Variants in ZDHHC14 observed in about 807,000 individuals in gnomAD.
ZDHHC14 encodes palmitoyltransferase ZDHHC14.
Under a neutral mutation model 47.7 loss-of-function variants are expected in ZDHHC14, and 16 were observed. The ratio of observed to expected loss-of-function variants is 0.34; its 90% CI spans 0.23 to 0.51. The LOEUF (loss-of-function observed/expected upper bound fraction) is 0.51. Ranked by LOEUF, ZDHHC14 falls within the 20% of genes least tolerant of loss-of-function variation. The probability of loss-of-function intolerance (pLI) is 0.97; values close to 1 mark genes in which losing one functional copy is unlikely to be tolerated. For synonymous variants in ZDHHC14, 293 were observed against 278.9 expected (o/e 1.05, Z -0.50); for missense variants, 515 against 662.5 (o/e 0.78, Z 2.44).
chr6:157,477,508 C>T (rs1779522937), intron 1 of ZDHHC14, among the ~76,000 whole-genome samples: 1 of 152,140 alleles, frequency 6.6e-6, no homozygotes, highest in Non-Finnish European at 1.5e-5. Flanking sequence ...GAATATATTC[C>T]ATAAATCCAT....
intron 1 of ZDHHC14, among the ~76,000 whole-genome samples, chr6:157,465,311 C>T (rs1018993470): frequency 3.9e-5 from 6 of 151,996 alleles, no homozygotes; most frequent in Admixed American, 3.9e-4. Flanking sequence ...TACTCTGAAA[C>T]TAAAAACATC....
chr6:157,416,670 TAAAAAAAAAAAAAAA>T (rs570772103), intron 1 of ZDHHC14, among the ~76,000 whole-genome samples: 1,561 of 75,364 alleles, frequency 0.021, 45 homozygotes, highest in African/African-American at 0.075. Context: ...CCTGTCTCAT[TAAAAAAAAAAAAAAA>T]AAAAAAAAAA....
At position 157,452,827 on chromosome 6, in the gene ZDHHC14, C is replaced by T. The variant is rs922730317; in HGVS notation, c.245+70561C>T. ...AAGCGATTCTCGTGCTTCCATCTCCCGAGTAGCTGGGACTACAGGCATGCA... is the reference window on the plus strand; with the variant it reads ...AAGCGATTCTCGTGCTTCCATCTCCTGAGTAGCTGGGACTACAGGCATGCA... On this transcript the variant is annotated intron_variant, in intron 1 of 8. Coordinates refer to ENST00000359775, the MANE Select transcript of ZDHHC14 (RefSeq NM_024630.3). Among the ~76,000 whole-genome samples the T allele has an allele frequency of 5.3e-5, 8 of 150,892 alleles. No individual in the cohort carries two copies. In the South Asian group the frequency reaches 1.0e-3, roughly 20 times the overall value.
chr6:157,544,616 C>T (rs1370196681), intron 2 of ZDHHC14, among the ~76,000 whole-genome samples: 1 of 152,152 alleles, frequency 6.6e-6, no homozygotes, highest in Non-Finnish European at 1.5e-5. Context: ...TGCCACTGCA[C>T]TCCAGCCTGG....
intron 1 of ZDHHC14, among the ~76,000 whole-genome samples, chr6:157,399,663 G>A (rs983932702): frequency 1.3e-5 from 2 of 152,236 alleles, no homozygotes; most frequent in Non-Finnish European, 2.9e-5. Context: ...CTTCCCTGCC[G>A]GACCAGGGTT....
At chr6:157,550,669 C>T (rs1782194331) in intron 2 of ZDHHC14, among the ~76,000 whole-genome samples, 2 of 152,220 alleles carry the variant, frequency 1.3e-5, no homozygotes, top group South Asian at 4.1e-4. Flanking sequence ...ACAGTGTTTC[C>T]CCTCCTGAAT....
At chr6:157,633,952 A>G (rs2886418) in intron 5 of ZDHHC14, among the ~76,000 whole-genome samples, 68,711 of 152,072 alleles carry the variant, frequency 0.45, 16,265 homozygotes, top group East Asian at 0.86. Flanking sequence ...CACACCCAGC[A>G]AGGTAGGGAT....
At chr6:157,476,399 T>C (rs1176461155) in intron 1 of ZDHHC14, among the ~76,000 whole-genome samples, 1 of 152,158 alleles carries the variant, frequency 6.6e-6, no homozygotes, top group African/African-American at 2.4e-5. Flanking sequence ...AGTAAAAACA[T>C]TGAATCAGTA....
At chr6:157,395,850 A>G (rs917354114) in intron 1 of ZDHHC14, among the ~76,000 whole-genome samples, 1 of 152,084 alleles carries the variant, frequency 6.6e-6, no homozygotes, top group Non-Finnish European at 1.5e-5. Flanking sequence ...ACATATAGTG[A>G]TAGACTCATA....
At chr6:157,608,831 G>C (rs955135168) in intron 3 of ZDHHC14, among the ~76,000 whole-genome samples, 8 of 152,224 alleles carry the variant, frequency 5.3e-5, no homozygotes, top group Non-Finnish European at 1.0e-4. Context: ...CCAAGGAGAC[G>C]AGAGGGGGGG....
intron 1 of ZDHHC14, among the ~76,000 whole-genome samples, chr6:157,506,308 G>C (rs1228196771): frequency 1.3e-5 from 2 of 152,176 alleles, no homozygotes; most frequent in Non-Finnish European, 2.9e-5. Context: ...ACCTATCTCA[G>C]TTTCCTCATT....
intron 5 of ZDHHC14, among the ~76,000 whole-genome samples, chr6:157,638,496 C>CAA (rs536362261): frequency 7.3e-6 from 1 of 137,758 alleles, no homozygotes; most frequent in Admixed American, 7.3e-5. Context: ...AGAGACTTCT[C>CAA]AAAAAAAAAA....
intron 2 of ZDHHC14, among the ~76,000 whole-genome samples, chr6:157,579,785 G>C (rs568794502): frequency 6.6e-6 from 1 of 152,128 alleles, no homozygotes; most frequent in East Asian, 1.9e-4. Context: ...AGGAGCTTTT[G>C]GGCAGAGACT....
chr6:157,534,112 C>T (rs1781458947), intron 1 of ZDHHC14, among the ~76,000 whole-genome samples: 2 of 152,034 alleles, frequency 1.3e-5, no homozygotes, highest in Admixed American at 1.3e-4. Context: ...GAATGGACAC[C>T]CTTCAAATAT....
intron 2 of ZDHHC14, among the ~76,000 whole-genome samples, chr6:157,570,555 T>C (rs1375771533): frequency 2.0e-5 from 3 of 152,212 alleles, no homozygotes; most frequent in Admixed American, 1.3e-4. Context: ...CAAAGCCACT[T>C]TCTTTTCCTT....
intron 1 of ZDHHC14, among the ~76,000 whole-genome samples, chr6:157,386,806 A>G (rs1777320493): frequency 6.6e-6 from 1 of 152,252 alleles, no homozygotes; most frequent in Non-Finnish European, 1.5e-5. Flanking sequence ...TGAAAAGATC[A>G]GTGAACATTA....
At chr6:157,471,541 G>A (rs926250404) in intron 1 of ZDHHC14, among the ~76,000 whole-genome samples, 2 of 152,214 alleles carry the variant, frequency 1.3e-5, no homozygotes, top group African/African-American at 4.8e-5. Context: ...TGCTGCCTTC[G>A]ATGAGAAGGA....
intron 4 of ZDHHC14, chr6:157,631,112 T>C (rs2114957281): frequency 6.6e-6 from 1 of 152,396 alleles, no homozygotes; most frequent in African/African-American, 2.4e-5. Context: ...TAGTCACCAA[T>C]ATGCTCACAC....
intron 1 of ZDHHC14, among the ~76,000 whole-genome samples, chr6:157,515,485 G>A (rs2114756917): frequency 7.4e-6 from 1 of 135,380 alleles, no homozygotes; most frequent in Admixed American, 7.7e-5. Context: ...TTTTGGAGAC[G>A]GAGTCTTGCT....
Sources: allele counts gnomAD v4.1 joint callset (sites outside exome capture counted in the v4.1 genomes callset), GRCh38; gene constraint gnomAD v4.1.1; transcripts MANE v1.5; gene names NCBI Gene and HGNC (gene_info 2026-07-23, HGNC 2026-07-21).